CDH13: variants seen among roughly 807,000 people sequenced by gnomAD.
The protein encoded by CDH13 is cadherin 13, also known as cadherin-13.
A neutral mutation model predicts 63.8 loss-of-function variants in CDH13; 24 were observed. That is an observed-to-expected ratio of 0.38 (90% confidence interval 0.27 to 0.53). The LOEUF (loss-of-function observed/expected upper bound fraction) is 0.53, where lower values mean the gene tolerates loss of function less well. Among genes scored for constraint, CDH13 ranks in the 20% least tolerant of loss-of-function variants. The pLI is 0.85. For synonymous variants in CDH13, 503 were observed against 355.3 expected, an observed-to-expected ratio of 1.42 and a Z score of -4.67; for missense variants, 1,049 against 903.1, an observed-to-expected ratio of 1.16 and a Z score of -2.07.
intron 7 of CDH13, among the ~76,000 whole-genome samples, chr16:83,544,875 CAGT>C (rs1325746179): frequency 6.6e-6 from 1 of 152,154 alleles, no homozygotes; most frequent in African/African-American, 2.4e-5. Flanking sequence ...TGTCTGGCCA[CAGT>C]ATAAGCTCAA....
intron 5 of CDH13, among the ~76,000 whole-genome samples, chr16:83,277,056 G>A (rs2089013085): frequency 6.6e-6 from 1 of 152,004 alleles, no homozygotes; most frequent in Non-Finnish European, 1.5e-5. Flanking sequence ...ACAACATGTG[G>A]GAGTTCAAGA....
chr16:82,726,832 A>G (rs1346634067), intron 1 of CDH13, among the ~76,000 whole-genome samples: 1 of 152,218 alleles, frequency 6.6e-6, no homozygotes, highest in East Asian at 1.9e-4. Flanking sequence ...CTACATCATG[A>G]GGAAAATAGT....
At chr16:83,014,319 TAA>T (rs34322579) in intron 2 of CDH13, among the ~76,000 whole-genome samples, 8,167 of 67,538 alleles carry the variant, frequency 0.12, 188 homozygotes, top group South Asian at 0.16. Context: ...CCCAAATCGA[TAA>T]AAAAAAAAAA....
chr16:83,227,608 C>T (rs982512062), intron 5 of CDH13, among the ~76,000 whole-genome samples: 2 of 152,176 alleles, frequency 1.3e-5, no homozygotes, highest in African/African-American at 2.4e-5. Flanking sequence ...GAAGCAGATG[C>T]GTGACTGCTC....
At position 83,798,910 on chromosome 16, in the gene CDH13, C is replaced by G. The variant is rs928198189; in HGVS notation, c.*3880C>G. 6.6e-6 allele frequency: 1 copy of G among 151,928 alleles called. No homozygotes were observed. Among genetic ancestry groups the G allele is most frequent in the African/African-American group, 2.4e-5 (1 of 41,368 alleles). 9.4% of individuals were successfully genotyped at this position (151,928 alleles called of 1,614,324 possible). On this transcript the variant is annotated 3_prime_UTR_variant, in exon 14 of 14. Transcript: ENST00000567109. The stretch of plus-strand genomic sequence containing the variant: ...ACATCGTTCTAAATTAATATTGAGA[C>G]CTTAGAAATTTTTCCTGTGCAAGAT...
chr16:82,708,742 A>G (rs1459839148), intron 1 of CDH13, among the ~76,000 whole-genome samples: 2 of 152,164 alleles, frequency 1.3e-5, no homozygotes, highest in Admixed American at 6.5e-5. Flanking sequence ...ATCCAATCAG[A>G]TGACGCTGGG....
At chr16:82,732,966 T>G (rs981596129) in intron 1 of CDH13, among the ~76,000 whole-genome samples, 8 of 152,210 alleles carry the variant, frequency 5.3e-5, no homozygotes, top group Admixed American at 1.3e-4. Context: ...GTTGAAGCTG[T>G]GTCAGGCAGA....
intron 1 of CDH13, among the ~76,000 whole-genome samples, chr16:82,697,739 TTGTGTGTGTGTGTGTGTG>T (rs56791322): frequency 0.4 from 58,409 of 146,410 alleles, 12,819 homozygotes; most frequent in Non-Finnish European, 0.49. Flanking sequence ...GGCCGAGGCA[TTGTGTGTGTGTGTGTGTG>T]TGTGTGTGTG....
intron 6 of CDH13, among the ~76,000 whole-genome samples, chr16:83,375,179 G>C (rs898928765): frequency 6.6e-6 from 1 of 152,186 alleles, no homozygotes; most frequent in African/African-American, 2.4e-5. Context: ...CATGCAATGA[G>C]CTAGGCAAAG....
At chr16:83,276,299 T>C (rs771549506) in intron 5 of CDH13, among the ~76,000 whole-genome samples, 5 of 152,126 alleles carry the variant, frequency 3.3e-5, no homozygotes, top group Non-Finnish European at 7.4e-5. Context: ...AGCCCTATCA[T>C]TCTACAAGAT....
chr16:82,795,471 C>T (rs376359501), intron 1 of CDH13, among the ~76,000 whole-genome samples: 1 of 152,208 alleles, frequency 6.6e-6, no homozygotes. Context: ...GTAACAGTGA[C>T]AACTAACATT....
intron 3 of CDH13, among the ~76,000 whole-genome samples, chr16:83,068,073 A>G (rs1199216176): frequency 4.6e-5 from 7 of 152,206 alleles, no homozygotes; most frequent in Non-Finnish European, 1.0e-4. Context: ...GAAAGATACA[A>G]GGAGGACTTG....
chr16:83,059,207 T>C (rs2031268714), intron 3 of CDH13, among the ~76,000 whole-genome samples: 1 of 152,176 alleles, frequency 6.6e-6, no homozygotes, highest in African/African-American at 2.4e-5. Context: ...GGGAACCCTA[T>C]GAAATGCTTT....
intron 6 of CDH13, among the ~76,000 whole-genome samples, chr16:83,474,644 T>C (rs2073554163): frequency 1.3e-5 from 2 of 152,168 alleles, no homozygotes; most frequent in South Asian, 4.1e-4. Context: ...GGATGTAGCT[T>C]AGAATTCAGC....
chr16:82,639,813 C>T (rs1454137182), intron 1 of CDH13, among the ~76,000 whole-genome samples: 1 of 152,222 alleles, frequency 6.6e-6, no homozygotes, highest in Non-Finnish European at 1.5e-5. Context: ...CACAGAGCAG[C>T]GAGAGCATGG....
chr16:82,978,302 A>G (rs1347297031), intron 2 of CDH13, among the ~76,000 whole-genome samples: 1 of 152,242 alleles, frequency 6.6e-6, no homozygotes, highest in East Asian at 1.9e-4. Context: ...AACCTATTTT[A>G]TGGGGAGAAA....
At chr16:83,124,122 T>G (rs1323046787) in intron 3 of CDH13, among the ~76,000 whole-genome samples, 1 of 152,164 alleles carries the variant, frequency 6.6e-6, no homozygotes, top group African/African-American at 2.4e-5. Context: ...CTTGGCTCAC[T>G]GCACTGTCCG....
chr16:82,645,080 T>A (rs1400558775), intron 1 of CDH13, among the ~76,000 whole-genome samples: 1 of 152,172 alleles, frequency 6.6e-6, no homozygotes, highest in African/African-American at 2.4e-5. Context: ...AGGAAACTCT[T>A]GTACACAGTG....
intron 2 of CDH13, among the ~76,000 whole-genome samples, chr16:83,025,763 C>T (rs1455025418): frequency 2.6e-5 from 4 of 152,106 alleles, no homozygotes; most frequent in African/African-American, 9.7e-5. Flanking sequence ...CATGCCAGTC[C>T]CCAACCTCTA....
Sources: allele counts gnomAD v4.1 joint callset (sites outside exome capture counted in the v4.1 genomes callset), GRCh38; gene constraint gnomAD v4.1.1; transcripts MANE v1.5; gene names NCBI Gene and HGNC (gene_info 2026-07-23, HGNC 2026-07-21).